The following EGFLAM variants were observed in gnomAD, a reference collection of about 807,000 sequenced individuals.
EGFLAM encodes EGF like, fibronectin type III and laminin G domains.
In EGFLAM, 79 loss-of-function variants were observed where a neutral mutation model predicts 113.1. The ratio of observed to expected loss-of-function variants is 0.70; its 90% confidence interval spans 0.58 to 0.84. EGFLAM has a LOEUF of 0.84. EGFLAM is among the 40% of genes least tolerant of loss of function. The pLI, the probability that EGFLAM is intolerant of heterozygous loss-of-function variation, is 0.00. For missense variants in EGFLAM, 1,265 were observed against 1,291.6 expected (o/e 0.98, Z 0.32); for synonymous variants, 504 against 487.6 (o/e 1.03, Z -0.44).
chr5:38,430,719 C>T (rs1412841435), intron 14 of EGFLAM, among the ~76,000 whole-genome samples: 1 of 152,174 alleles, frequency 6.6e-6, no homozygotes. Context: ...GTCCCCTGGC[C>T]TGCCATCTGC....
chr5:38,336,366 G>T (rs1031981309), intron 1 of EGFLAM, among the ~76,000 whole-genome samples: 1 of 152,178 alleles, frequency 6.6e-6, no homozygotes, highest in Non-Finnish European at 1.5e-5. Flanking sequence ...AAGGTCAGGA[G>T]ATCGAGACCA....
chr5:38,437,334 C>T (rs1280829177), intron 16 of EGFLAM, among the ~76,000 whole-genome samples: 1 of 152,130 alleles, frequency 6.6e-6, no homozygotes, highest in Non-Finnish European at 1.5e-5. Context: ...GTGGGACAAT[C>T]GGGGAGGTCC....
chr5:38,396,325 T>C (rs1740961504), intron 6 of EGFLAM, among the ~76,000 whole-genome samples: 1 of 152,202 alleles, frequency 6.6e-6, no homozygotes, highest in African/African-American at 2.4e-5. Context: ...ATCCTTCTGA[T>C]GCTATGGGTA....
At chr5:38,371,671 A>G (rs1463463674) in intron 6 of EGFLAM, among the ~76,000 whole-genome samples, 1 of 152,052 alleles carries the variant, frequency 6.6e-6, no homozygotes, top group Non-Finnish European at 1.5e-5. Flanking sequence ...TGCACCCTAT[A>G]AGTACTATTG....
intron 19 of EGFLAM, 173 bp downstream of exon 19, chr5:38,451,631 T>C (rs1367573075): frequency 7.2e-6 from 7 of 971,898 alleles, no homozygotes; most frequent in Non-Finnish European, 1.0e-5. Context: ...ATTCATCTTA[T>C]AGAGCAGCAG....
At chr5:38,360,640 A>G (rs534388379) in intron 5 of EGFLAM, among the ~76,000 whole-genome samples, 45 of 152,160 alleles carry the variant, frequency 3.0e-4, no homozygotes, top group African/African-American at 1.0e-3. Context: ...ATAATAATTT[A>G]CTTGCTTCAT....
intron 20 of EGFLAM, among the ~76,000 whole-genome samples, chr5:38,462,166 C>CA (rs1353495280): frequency 2.6e-5 from 4 of 152,054 alleles, no homozygotes; most frequent in Non-Finnish European, 5.9e-5. Context: ...GACTCCGTCT[C>CA]AAAAAATAAA....
chr5:38,341,602 A>G (rs904142932), intron 3 of EGFLAM, among the ~76,000 whole-genome samples: 2 of 152,222 alleles, frequency 1.3e-5, no homozygotes, highest in African/African-American at 4.8e-5. Flanking sequence ...ACAGTTAGAC[A>G]TTTCTTTTGG....
Position 38,411,749 on chromosome 5 carries a change from C to T in EGFLAM, c.1350-755C>T, listed in dbSNP as rs1451023137. On this transcript the variant is annotated intron_variant, in intron 10 of 21. Transcript: ENST00000322350. ...CCACCTGCCTCGGCCTCCCAAAGTG[C>T]TGGGATTACAGATGTGAGCCACTGT... 2.6e-5 allele frequency among the ~76,000 whole-genome samples: 4 copies of T among 151,940 alleles called. No individual in the cohort carries two copies. In the East Asian group the frequency reaches 7.8e-4, roughly 30 times the overall value.
intron 21 of EGFLAM, among the ~76,000 whole-genome samples, chr5:38,463,496 C>T (rs1743359575): frequency 6.6e-6 from 1 of 152,234 alleles, no homozygotes; most frequent in Non-Finnish European, 1.5e-5. Context: ...TAACTACACA[C>T]TGCATTCTGT....
chr5:38,423,937 G>A (rs761299955), intron 12 of EGFLAM, among the ~76,000 whole-genome samples: 1 of 152,136 alleles, frequency 6.6e-6, no homozygotes, highest in Non-Finnish European at 1.5e-5. Context: ...TCATCCTGCC[G>A]AGATGACACA....
At chr5:38,427,357 T>C (rs1199547013) in intron 14 of EGFLAM, 105 bp downstream of exon 14, 2 of 1,520,756 alleles carry the variant, frequency 1.3e-6, no homozygotes, top group Non-Finnish European at 1.8e-6. Flanking sequence ...CATCCTGTCT[T>C]CTCTACATGC....
At chr5:38,369,689 C>T (rs188644290) in intron 5 of EGFLAM, among the ~76,000 whole-genome samples, 44 of 152,282 alleles carry the variant, frequency 2.9e-4, no homozygotes, top group African/African-American at 8.4e-4. Flanking sequence ...CTCATCCTCC[C>T]GCCTTCTGTG....
intron 14 of EGFLAM, among the ~76,000 whole-genome samples, chr5:38,428,283 A>G (rs544781856): frequency 2.0e-4 from 30 of 152,348 alleles, no homozygotes; most frequent in African/African-American, 7.0e-4. Flanking sequence ...GCCCTTAACT[A>G]CTGATCATTT....
chr5:38,398,048 G>A lies in EGFLAM; in HGVS notation c.713-8078G>A, dbSNP rs895551473. Among the ~76,000 whole-genome samples the A allele has an allele frequency of 5.9e-5, 9 of 152,252 alleles. No homozygotes were observed. In the South Asian group the frequency reaches 8.3e-4, roughly 14 times the overall value. On this transcript the variant is annotated intron_variant, in intron 6 of 21. Transcript: ENST00000322350. Reference sequence around the variant, plus strand: ...ACTTTACTTAAAGCGTATAACCCAAGCCAAAGTGACTTAATGCAGAAGAGC... The same window carrying A: ...ACTTTACTTAAAGCGTATAACCCAAACCAAAGTGACTTAATGCAGAAGAGC...
intron 20 of EGFLAM, among the ~76,000 whole-genome samples, chr5:38,462,260 C>T (rs1743306769): frequency 6.6e-6 from 1 of 152,234 alleles, no homozygotes; most frequent in Admixed American, 6.5e-5. Context: ...ATTGGCTTCT[C>T]ATTGTACTTA....
At chr5:38,396,063 T>TTTTTTTTTTTTTTTTTTTTTTTTGAG in intron 6 of EGFLAM, among the ~76,000 whole-genome samples, 39 of 152,056 alleles carry the variant, frequency 2.6e-4, no homozygotes, top group African/African-American at 8.5e-4. Flanking sequence ...ACCCACTCTT[T>TTTTTTTTTTTTTTTTTTTTTTTTGAG]AAAAGCCTCC....
In EGFLAM at chr5:38,464,984, A is replaced by G. The variant is rs1398687953; in HGVS notation, c.*998A>G. 1 of 152,254 alleles carries G rather than the reference A, an allele frequency of 6.6e-6. No homozygotes were observed. The highest frequency in any genetic ancestry group is 2.1e-4 in the South Asian group (1 of 4,826). 9.4% of individuals were successfully genotyped at this position (152,254 alleles called of 1,614,324 possible). ...GTTTTAAGAGTTGGGGGGAGTATCT[A>G]TAGTAAACTTGAATAAAGGGGACAA... is the stretch of plus-strand genomic sequence containing the variant. On this transcript the variant is annotated 3_prime_UTR_variant, in exon 22 of 22. Coordinates refer to ENST00000322350, the MANE Select transcript of EGFLAM (RefSeq NM_152403.4).
Position 38,463,031 on chromosome 5 carries a change from C to A in EGFLAM, c.2875+20C>A. The A allele has an allele frequency of 6.2e-7, 1 of 1,605,734 alleles. No homozygotes were observed. The highest frequency in any genetic ancestry group is 1.3e-5 in the African/African-American group (1 of 74,838). ...ATGTGGGTAAGTGACCGACCCTCGA[C>A]CAAAGCAAAATTAGGCCAGTGCTTT... On this transcript the variant is annotated intron_variant, in intron 21 of 21. Transcript: ENST00000322350.
Sources: allele counts gnomAD v4.1 joint callset (sites outside exome capture counted in the v4.1 genomes callset), GRCh38; gene constraint gnomAD v4.1.1; transcripts MANE v1.5; gene names NCBI Gene and HGNC (gene_info 2026-07-23, HGNC 2026-07-21).